NEMP2: variants seen among roughly 807,000 people sequenced by gnomAD.
NEMP2 encodes the protein UPF0571 transmembrane protein.
In NEMP2, 53 loss-of-function variants were observed where a neutral mutation model predicts 54.2. The observed-to-expected ratio is 0.98, with a 90% CI of 0.78 to 1.23. The LOEUF is 1.23. Among genes scored for constraint, NEMP2 ranks in the 50% most tolerant of loss-of-function variants. NEMP2 has a pLI of 0.00. For missense variants in NEMP2, 455 were observed against 511.3 expected, an observed-to-expected ratio of 0.89 and a Z score of 1.06; for synonymous variants, 197 against 190.3, an observed-to-expected ratio of 1.04 and a Z score of -0.29.
chr2:190,639,644 TTTTTG>T, the NEMP2 span, among the ~76,000 whole-genome samples: 2 of 151,844 alleles, frequency 1.3e-5, no homozygotes, highest in Non-Finnish European at 2.9e-5. Flanking sequence ...GAGTTTTTTT[TTTTTG>T]TTTTTTGTTT....
At chr2:190,457,251 G>T in the NEMP2 span, among the ~76,000 whole-genome samples, 5 of 152,198 alleles carry the variant, frequency 3.3e-5, no homozygotes, top group African/African-American at 1.2e-4. The surrounding 1 kb of genome is among the most constrained non-coding windows in gnomAD (Gnocchi z 5.1). Flanking sequence ...TTGTGGCCCC[G>T]GTCCACCCCT....
At chr2:190,427,604 G>A in the NEMP2 span, among the ~76,000 whole-genome samples, 3 of 151,990 alleles carry the variant, frequency 2.0e-5, no homozygotes, top group African/African-American at 4.8e-5. Context: ...GCCTTTTTTT[G>A]TCTATCTTTC....
At chr2:190,438,657 C>G in the NEMP2 span, among the ~76,000 whole-genome samples, 3 of 152,168 alleles carry the variant, frequency 2.0e-5, no homozygotes, top group African/African-American at 7.2e-5. This position sits in a 1 kb window ranked among gnomAD's most constrained non-coding sequence, Gnocchi z 5.2. Flanking sequence ...AGCATTCTTG[C>G]CTTACAGAAA....
chr2:190,436,503 A>T, the NEMP2 span: 1 of 1,614,204 alleles, frequency 6.2e-7, no homozygotes, highest in Admixed American at 1.7e-5. This position sits in a 1 kb window ranked among gnomAD's most constrained non-coding sequence, Gnocchi z 5.3. Context: ...CTACCTTGAG[A>T]TGTGTACCAA....
the NEMP2 span, among the ~76,000 whole-genome samples, chr2:190,549,447 A>C: frequency 6.6e-6 from 1 of 152,206 alleles, no homozygotes; most frequent in African/African-American, 2.4e-5. Flanking sequence ...GGTGCAGTTC[A>C]TGTAGAAAAG....
At chr2:190,565,134 C>T in the NEMP2 span, among the ~76,000 whole-genome samples, 9 of 151,498 alleles carry the variant, frequency 5.9e-5, no homozygotes, top group Admixed American at 3.9e-4. Flanking sequence ...CAAGCTACTC[C>T]CTCCTGCTCC....
At chr2:190,458,574 T>C in the NEMP2 span, among the ~76,000 whole-genome samples, 2 of 152,178 alleles carry the variant, frequency 1.3e-5, no homozygotes, top group Non-Finnish European at 2.9e-5. The surrounding 1 kb of genome is among the most constrained non-coding windows in gnomAD (Gnocchi z 5.3). Context: ...TAGGCCTAGC[T>C]TCACCCCAGT....
the NEMP2 span, among the ~76,000 whole-genome samples, chr2:190,631,374 C>G: frequency 1.3e-5 from 2 of 152,306 alleles, no homozygotes; most frequent in African/African-American, 2.4e-5. Context: ...GTTGACAGTA[C>G]AGCAAAGCCC....
At chr2:190,496,530 T>A in the NEMP2 span, among the ~76,000 whole-genome samples, 66 of 152,316 alleles carry the variant, frequency 4.3e-4, no homozygotes, top group Non-Finnish European at 6.9e-4. The surrounding 1 kb of genome is among the most constrained non-coding windows in gnomAD (Gnocchi z 4.7). Flanking sequence ...TACTTGTACA[T>A]GCATGTTTAT....
At chr2:190,503,503 T>G (rs1194730543), downstream of NEMP2, among the ~76,000 whole-genome samples, 2 of 152,220 alleles carry the variant, frequency 1.3e-5, no homozygotes, top group Admixed American at 1.3e-4. This position sits in a 1 kb window ranked among gnomAD's most constrained non-coding sequence, Gnocchi z 6.3. Context: ...CAGGAAGAGA[T>G]CCTTTCGGGA....
downstream of NEMP2, chr2:190,501,508 T>C (rs1690023633): frequency 6.6e-6 from 1 of 152,132 alleles, no homozygotes; most frequent in Non-Finnish European, 1.5e-5. Context: ...AAGGGAAAAC[T>C]GTTTTAGCTG....
chr2:190,611,711 G>A, the NEMP2 span, among the ~76,000 whole-genome samples: 1 of 152,160 alleles, frequency 6.6e-6, no homozygotes, highest in Non-Finnish European at 1.5e-5. This position sits in a 1 kb window ranked among gnomAD's most constrained non-coding sequence, Gnocchi z 5.4. Context: ...ACATTCTCAT[G>A]ACTCCTTATA....
chr2:190,545,665 A>G, the NEMP2 span, among the ~76,000 whole-genome samples: 1 of 152,172 alleles, frequency 6.6e-6, no homozygotes, highest in Non-Finnish European at 1.5e-5. Flanking sequence ...ATTTTCTTTC[A>G]TGTGTTTTTG....
chr2:190,552,772 A>G, the NEMP2 span, among the ~76,000 whole-genome samples: 1 of 152,224 alleles, frequency 6.6e-6, no homozygotes, highest in Non-Finnish European at 1.5e-5. Flanking sequence ...CACAAGAATC[A>G]GAAATGGTAA....
chr2:190,498,142 T>C, the NEMP2 span: 1 of 162,672 alleles, frequency 6.1e-6, no homozygotes, highest in Non-Finnish European at 1.4e-5. The surrounding 1 kb of genome is among the most constrained non-coding windows in gnomAD (Gnocchi z 5.9). Context: ...ATAGGACACC[T>C]AACTCAGTGG....
chr2:190,445,457 C>CAAAAA, the NEMP2 span, among the ~76,000 whole-genome samples: 26,465 of 143,370 alleles, frequency 0.18, 3,154 homozygotes, highest in Admixed American at 0.38. Flanking sequence ...GCCCCAATCA[C>CAAAAA]AAAAAAAAAA....
chr2:190,561,092 A>G, the NEMP2 span, among the ~76,000 whole-genome samples: 2 of 152,286 alleles, frequency 1.3e-5, no homozygotes, highest in Admixed American at 1.3e-4. The surrounding 1 kb of genome is among the most constrained non-coding windows in gnomAD (Gnocchi z 5.4). Flanking sequence ...GGAGGTTCCT[A>G]GGCCCCATTA....
the NEMP2 span, among the ~76,000 whole-genome samples, chr2:190,556,660 T>C: frequency 6.6e-6 from 1 of 152,130 alleles, no homozygotes; most frequent in Admixed American, 6.5e-5. Context: ...TGTGCAAAAA[T>C]CACAAGCATT....
At chr2:190,638,916 GAACA>G in the NEMP2 span, among the ~76,000 whole-genome samples, 3 of 152,176 alleles carry the variant, frequency 2.0e-5, no homozygotes, top group South Asian at 2.1e-4. This position sits in a 1 kb window ranked among gnomAD's most constrained non-coding sequence, Gnocchi z 5.7. Context: ...ACAAGGACCG[GAACA>G]AACAAACAGG....
Sources: gnomAD v4.1 joint callset for allele counts (sites outside exome capture counted in the v4.1 genomes callset) on GRCh38, gnomAD v4.1.1 for gene constraint, Gnocchi (gnomAD v3.1) non-coding constraint, MANE v1.5 for transcripts, NCBI Gene and HGNC (gene_info 2026-07-23, HGNC 2026-07-21) for gene names.